PCLO: variants seen among roughly 807,000 people sequenced by gnomAD.
The protein encoded by PCLO is piccolo presynaptic cytomatrix protein.
PCLO carries 82 observed loss-of-function variants against 427.5 expected under a neutral mutation model. That is an observed-to-expected ratio of 0.19 (90% CI 0.16 to 0.23). PCLO has a LOEUF of 0.23. Ranked by LOEUF, PCLO falls within the 10% of genes least tolerant of loss-of-function variation. The pLI is 1.00. For missense variants in PCLO, 6,239 were observed against 6,115.9 expected, an observed-to-expected ratio of 1.02 and a Z score of -0.67; for synonymous variants, 2,357 against 2,155.4, an observed-to-expected ratio of 1.09 and a Z score of -2.59.
chr7:82,810,136 T>C (rs916470764), intron 20 of PCLO, among the ~76,000 whole-genome samples: 8 of 114,792 alleles, frequency 7.0e-5, no homozygotes, highest in Non-Finnish European at 1.4e-4. Flanking sequence ...TTAAGTGTAA[T>C]ATATCTCTAT....
rs1322437309 is a variant in PCLO, at chr7:83,025,650, T to C, written c.3301-59163A>G. Among the ~76,000 whole-genome samples the C allele has an allele frequency of 2.3e-4, 34 of 151,002 alleles. No individual in the cohort carries two copies. The East Asian group carries it at 6.5e-3, about 29-fold the overall frequency. ...GAAGAGCAACTCCAAGACACATAAT[T>C]GTCAGATTCACCAAAGTTGAAATGA... On this transcript the variant is annotated intron_variant, in intron 3 of 24. Transcript: ENST00000333891.
intron 6 of PCLO, among the ~76,000 whole-genome samples, chr7:82,943,202 A>G (rs1795123912): frequency 6.6e-6 from 1 of 152,208 alleles, no homozygotes; most frequent in African/African-American, 2.4e-5. Context: ...CATGAATGCC[A>G]TCTGCTTTGC....
intron 3 of PCLO, among the ~76,000 whole-genome samples, chr7:83,040,832 G>A (rs917458865): frequency 1.3e-5 from 2 of 151,870 alleles, no homozygotes; most frequent in Non-Finnish European, 2.9e-5. Flanking sequence ...ACAAGTTCTG[G>A]GCCCAAGAAC....
chr7:83,135,529 T>A lies in PCLO; in HGVS notation c.2021A>T (p.Lys674Ile). ...AGTCTGCTGTGGCTGTGGGGATGAT[T>A]TGCTCACTGCTGATGTAGTGGTAAC... ...APVTTTSAVS[K>I]SSPQPQQTSP... The change falls in exon 3 of 25, where the codon AAA becomes ATA. Residue 674 changes from lysine (K) to isoleucine (I), a missense_variant. Transcript: ENST00000333891. 6.2e-7 allele frequency: 1 copy of A among 1,613,774 alleles called. No individual in the cohort carries two copies.
intron 3 of PCLO, among the ~76,000 whole-genome samples, chr7:82,994,288 A>T (rs914531992): frequency 1.3e-5 from 2 of 152,052 alleles, no homozygotes; most frequent in Non-Finnish European, 2.9e-5. Flanking sequence ...GATAATGACA[A>T]CATCAGTAAT....
chr7:83,050,223 A>AAAC (rs1283048629), intron 3 of PCLO, among the ~76,000 whole-genome samples: 10 of 121,476 alleles, frequency 8.2e-5, no homozygotes, highest in African/African-American at 3.2e-4. Context: ...AAAAAAAAAA[A>AAAC]AAAAAAAAAA....
intron 13 of PCLO, among the ~76,000 whole-genome samples, chr7:82,844,988 T>G (rs556463672): frequency 6.6e-6 from 1 of 152,112 alleles, no homozygotes; most frequent in Non-Finnish European, 1.5e-5. Context: ...CTCAGATTCA[T>G]GCAACAACAA....
intron 3 of PCLO, among the ~76,000 whole-genome samples, chr7:83,101,524 T>C (rs61659962): frequency 0.052 from 7,975 of 151,940 alleles, 676 homozygotes; most frequent in African/African-American, 0.18. Context: ...TCATAGAAAA[T>C]AAACTAAGTA....
chr7:82,933,050 T>C (rs1392225851), intron 6 of PCLO, among the ~76,000 whole-genome samples: 4 of 152,018 alleles, frequency 2.6e-5, no homozygotes, highest in East Asian at 1.9e-4. Context: ...TTATTTTCCT[T>C]CACCTTACCT....
rs145821553 is a variant in PCLO, at chr7:82,813,867, T to A, written c.14792-8038A>T. 7.9e-5 allele frequency among the ~76,000 whole-genome samples: 12 copies of A among 151,990 alleles called. No homozygotes were observed. The East Asian group carries it at 2.3e-3, about 29-fold the overall frequency. On this transcript the variant is annotated intron_variant, in intron 20 of 24. Transcript: ENST00000333891. ...TACTTGAAATTGAGGATCAAGTATT[T>A]CGTAAGAAGCTTTCCATTTTTCCTC...
At chr7:82,946,706 G>A (rs1024074315) in intron 6 of PCLO, among the ~76,000 whole-genome samples, 1 of 152,064 alleles carries the variant, frequency 6.6e-6, no homozygotes, top group Admixed American at 6.6e-5. Flanking sequence ...TGATCAATGA[G>A]GTCATGAAAC....
intron 2 of PCLO, among the ~76,000 whole-genome samples, chr7:83,137,238 T>C (rs1791751992): frequency 6.6e-6 from 1 of 152,206 alleles, no homozygotes; most frequent in African/African-American, 2.4e-5. Context: ...TCTTTGAAAT[T>C]ATTTAAACTC....
chr7:83,112,089 C>T (rs562932716), intron 3 of PCLO, among the ~76,000 whole-genome samples: 1 of 152,190 alleles, frequency 6.6e-6, no homozygotes, highest in Non-Finnish European at 1.5e-5. Context: ...CAGAGTCTCG[C>T]TCTTATCACC....
Position 82,801,517 on chromosome 7 carries a change from C to G in PCLO, c.15007+1G>C. On this transcript the variant is annotated splice_donor_variant, in intron 22 of 24. Transcript: ENST00000333891. LOFTEE classifies it high-confidence loss of function. Reference sequence around the variant, plus strand: ...ATCCAATATTGTAAATTTTTACTTACCTTCAGTGTCTGCTAGTCCTACTCC... The same window carrying G: ...ATCCAATATTGTAAATTTTTACTTAGCTTCAGTGTCTGCTAGTCCTACTCC... The G allele has an allele frequency of 6.5e-7, 1 of 1,533,252 alleles. No homozygotes were observed. Among genetic ancestry groups the G allele is most frequent in the Non-Finnish European group, 9.0e-7 (1 of 1,106,752 alleles). 95.0% of individuals were successfully genotyped at this position (1,533,252 alleles called of 1,614,324 possible). A position where few individuals can be genotyped will look rare whatever the true frequency, so the allele number is the denominator to read the frequency against.
chr7:83,156,211 A>C lies in PCLO; in HGVS notation c.430T>G (p.Leu144Val). The C allele has an allele frequency of 6.2e-7, 1 of 1,613,666 alleles. No individual in the cohort carries two copies. Among genetic ancestry groups the C allele is most frequent in the South Asian group, 1.1e-5 (1 of 91,064 alleles). The change falls in exon 2 of 25, where the codon TTA (leucine) becomes GTA (valine). Residue 144 changes from leucine to valine, a missense_variant. Physicochemically the swap from Leu to Val is conservative, Grantham distance 32. Transcript: ENST00000333891. ...ATACTAGACTTGTGCTCTTCCTTTA[A>C]ATCAGTTCTGGACTTTGATTCTTTC... Reference protein sequence around the residue: ...SLKESKSRTDLKEEHKSSMMP... With the variant: ...SLKESKSRTDVKEEHKSSMMP...
chr7:83,045,817 T>C (rs1789091082), intron 3 of PCLO, among the ~76,000 whole-genome samples: 1 of 152,102 alleles, frequency 6.6e-6, no homozygotes, highest in Non-Finnish European at 1.5e-5. Context: ...AGGAGGAATA[T>C]CACCAATGGG....
At chr7:83,055,520 C>A (rs560076949) in intron 3 of PCLO, among the ~76,000 whole-genome samples, 9 of 152,012 alleles carry the variant, frequency 5.9e-5, no homozygotes, top group African/African-American at 2.2e-4. Flanking sequence ...GTGGACTTTT[C>A]GTGATTGTCT....
At chr7:82,957,045 T>A in intron 4 of PCLO, 110 bp from the exon 5 acceptor site, 1 of 1,215,192 alleles carries the variant, frequency 8.2e-7, no homozygotes. Context: ...TTTTGGAAAA[T>A]TTTTTCAACC....
At chr7:82,938,592 C>A (rs1208058050) in intron 6 of PCLO, among the ~76,000 whole-genome samples, 2 of 151,810 alleles carry the variant, frequency 1.3e-5, no homozygotes, top group Non-Finnish European at 2.9e-5. Flanking sequence ...GACCAGTGAG[C>A]ATAAGGAGAA....
Sources: gnomAD v4.1 joint callset for allele counts (sites outside exome capture counted in the v4.1 genomes callset) on GRCh38, gnomAD v4.1.1 for gene constraint, MANE v1.5 for transcripts, NCBI Gene and HGNC (gene_info 2026-07-23, HGNC 2026-07-21) for gene names.